The following CLNK variants were observed in gnomAD, a reference collection of about 807,000 sequenced individuals.
CLNK encodes the protein cytokine dependent hematopoietic cell linker.
Under a neutral mutation model 68.6 loss-of-function variants are expected in CLNK, and 74 were observed. The ratio of observed to expected loss-of-function variants is 1.08; its 90% CI spans 0.89 to 1.31. The LOEUF (loss-of-function observed/expected upper bound fraction) is 1.31. CLNK is among the 50% of genes most tolerant of loss of function. The pLI is 0.00. For missense variants in CLNK, 553 were observed against 515.3 expected, an observed-to-expected ratio of 1.07 and a Z score of -0.71; for synonymous variants, 198 against 172.2, an observed-to-expected ratio of 1.15 and a Z score of -1.17.
At chr4:10,588,451 C>G (rs1023350592) in intron 3 of CLNK, among the ~76,000 whole-genome samples, 1 of 152,160 alleles carries the variant, frequency 6.6e-6, no homozygotes, top group African/African-American at 2.4e-5. Flanking sequence ...TTCCCAGTCT[C>G]AGACACTTGG....
intron 2 of CLNK, among the ~76,000 whole-genome samples, chr4:10,605,384 C>A (rs148835649): frequency 2.0e-5 from 3 of 152,040 alleles, no homozygotes; most frequent in Non-Finnish European, 4.4e-5. Flanking sequence ...CCAGGTGATA[C>A]GGTATAGCCT....
At chr4:10,720,117 CAA>C in the CLNK span, among the ~76,000 whole-genome samples, 4 of 151,582 alleles carry the variant, frequency 2.6e-5, no homozygotes, top group Non-Finnish European at 4.4e-5. Flanking sequence ...AGTCTGAAAC[CAA>C]TAATCTAAGA....
chr4:10,622,876 A>G (rs1156970423), intron 2 of CLNK, among the ~76,000 whole-genome samples: 2 of 152,148 alleles, frequency 1.3e-5, no homozygotes, highest in African/African-American at 4.8e-5. Flanking sequence ...CTGGCTTACA[A>G]ACAGCCACTT....
chr4:10,586,285 C>CT (rs1250162549), intron 3 of CLNK, among the ~76,000 whole-genome samples: 1 of 150,918 alleles, frequency 6.6e-6, no homozygotes, highest in Non-Finnish European at 1.5e-5. Context: ...AATGCTGCTG[C>CT]TGTGTGTATT....
At chr4:10,734,316 C>A in the CLNK span, among the ~76,000 whole-genome samples, 2 of 152,218 alleles carry the variant, frequency 1.3e-5, no homozygotes, top group African/African-American at 4.8e-5. Flanking sequence ...CCATTCTGGT[C>A]TTGGGCCCAC....
At chr4:10,535,119 C>T (rs546842901) in intron 11 of CLNK, among the ~76,000 whole-genome samples, 4 of 151,616 alleles carry the variant, frequency 2.6e-5, no homozygotes, top group Admixed American at 2.0e-4. Context: ...GAGGATAAGG[C>T]GGGCGGACTG....
At chr4:10,712,668 C>G in the CLNK span, among the ~76,000 whole-genome samples, 11 of 152,202 alleles carry the variant, frequency 7.2e-5, no homozygotes, top group African/African-American at 2.4e-4. Flanking sequence ...TCTTAGCTTG[C>G]TTTTCTATAA....
chr4:10,644,534 A>G (rs1723435788), intron 2 of CLNK, among the ~76,000 whole-genome samples: 1 of 152,168 alleles, frequency 6.6e-6, no homozygotes, highest in Non-Finnish European at 1.5e-5. Context: ...GTTTGAGCTC[A>G]GGTGGTCTAC....
At chr4:10,510,563 G>T (rs1258588064) in intron 16 of CLNK, among the ~76,000 whole-genome samples, 1 of 152,196 alleles carries the variant, frequency 6.6e-6, no homozygotes, top group Non-Finnish European at 1.5e-5. Context: ...TGAAAGACTA[G>T]TTTGGGTCAT....
intron 3 of CLNK, among the ~76,000 whole-genome samples, chr4:10,592,920 T>C (rs540370657): frequency 2.0e-5 from 3 of 152,014 alleles, no homozygotes; most frequent in African/African-American, 7.2e-5. Flanking sequence ...AGAGATCAGG[T>C]TTTGCCATGT....
intron 2 of CLNK, among the ~76,000 whole-genome samples, chr4:10,606,922 G>C (rs906369482): frequency 1.3e-5 from 2 of 152,208 alleles, no homozygotes; most frequent in Non-Finnish European, 2.9e-5. Context: ...CAGGTAGTAA[G>C]CATCTAGGTT....
At chr4:10,491,903 G>T (rs1037195273) in intron 18 of CLNK, among the ~76,000 whole-genome samples, 1 of 152,132 alleles carries the variant, frequency 6.6e-6, no homozygotes, top group African/African-American at 2.4e-5. Flanking sequence ...CCCAGTAGGT[G>T]ATTTTTCATC....
intron 18 of CLNK, among the ~76,000 whole-genome samples, chr4:10,499,402 G>A (rs141604200): frequency 1.3e-5 from 2 of 152,290 alleles, no homozygotes; most frequent in African/African-American, 2.4e-5. Context: ...GATTTTGAGC[G>A]TTATTCCTAA....
At chr4:10,502,436 A>G (rs938861770) in intron 17 of CLNK, among the ~76,000 whole-genome samples, 1 of 152,040 alleles carries the variant, frequency 6.6e-6, no homozygotes, top group Non-Finnish European at 1.5e-5. Context: ...CGTGGGGATT[A>G]TGGGGATTAC....
intron 2 of CLNK, among the ~76,000 whole-genome samples, chr4:10,615,133 C>T (rs927213456): frequency 6.6e-6 from 1 of 151,882 alleles, no homozygotes; most frequent in African/African-American, 2.4e-5. Flanking sequence ...TCGGCAGTGA[C>T]CCGAGTTTGT....
intron 8 of CLNK, among the ~76,000 whole-genome samples, chr4:10,556,708 C>A (rs1010502691): frequency 1.3e-5 from 2 of 152,128 alleles, no homozygotes; most frequent in South Asian, 2.1e-4. Flanking sequence ...GCTTCCCAAC[C>A]CTTTCTCTGT....
At chr4:10,733,190 C>T in the CLNK span, among the ~76,000 whole-genome samples, 1 of 152,108 alleles carries the variant, frequency 6.6e-6, no homozygotes, top group Non-Finnish European at 1.5e-5. Context: ...GTGCCTCTGC[C>T]AGACCTCTTT....
chr4:10,560,953 G>C (rs1719863483), intron 7 of CLNK, among the ~76,000 whole-genome samples: 1 of 151,714 alleles, frequency 6.6e-6, no homozygotes, highest in South Asian at 2.1e-4. Flanking sequence ...CTAGAGTGAA[G>C]TGGCATGATC....
At chr4:10,702,605 T>G in the CLNK span, among the ~76,000 whole-genome samples, 1 of 152,202 alleles carries the variant, frequency 6.6e-6, no homozygotes, top group Non-Finnish European at 1.5e-5. Context: ...TATATTTGAC[T>G]ATTTCTCAGG....
Sources: gnomAD v4.1 joint callset for allele counts (sites outside exome capture counted in the v4.1 genomes callset) on GRCh38, gnomAD v4.1.1 for gene constraint, MANE v1.5 for transcripts, NCBI Gene and HGNC (gene_info 2026-07-23, HGNC 2026-07-21) for gene names.